Variants in MDH1B observed in about 807,000 individuals in gnomAD.
MDH1B encodes the protein putative malate dehydrogenase 1B.
Under a neutral mutation model 61.4 loss-of-function variants are expected in MDH1B, and 60 were observed. That is an observed-to-expected ratio of 0.98 (90% confidence interval 0.79 to 1.21). The LOEUF (loss-of-function observed/expected upper bound fraction) is 1.21. MDH1B is among the 50% of genes most tolerant of loss of function. The pLI, the probability that MDH1B is intolerant of heterozygous loss-of-function variation, is 0.00. For synonymous variants in MDH1B, 236 were observed against 218.7 expected (o/e 1.08, Z -0.70); for missense variants, 587 against 632.1 (o/e 0.93, Z 0.76).
chr2:206,743,221 T>C (rs1481238777), intron 9 of MDH1B, among the ~76,000 whole-genome samples: 1 of 152,186 alleles, frequency 6.6e-6, no homozygotes, highest in Non-Finnish European at 1.5e-5. Context: ...TTGCACAAAA[T>C]TGCTCTCATT....
At chr2:206,758,709 T>C (rs1209931679) in intron 2 of MDH1B, among the ~76,000 whole-genome samples, 2 of 151,740 alleles carry the variant, frequency 1.3e-5, no homozygotes, top group Non-Finnish European at 2.9e-5. Context: ...GAGGTTGCAG[T>C]GAGCCGAGAT....
chr2:206,754,197 A>G (rs55890679), intron 5 of MDH1B, among the ~76,000 whole-genome samples: 18,223 of 152,144 alleles, frequency 0.12, 1,551 homozygotes, highest in African/African-American at 0.25. Context: ...TAATTGTCCT[A>G]ACTGGGAACA....
At chr2:206,763,736 T>TTTATA (rs1689243909) in intron 1 of MDH1B, among the ~76,000 whole-genome samples, 2 of 152,182 alleles carry the variant, frequency 1.3e-5, no homozygotes, top group Non-Finnish European at 2.9e-5. Flanking sequence ...TATTCTCAAT[T>TTTATA]GTCACCAAAC....
At chr2:206,748,971 A>G (rs777065454) in intron 7 of MDH1B, 49 bp downstream of exon 7, 1 of 1,547,530 alleles carries the variant, frequency 6.5e-7, no homozygotes, top group Non-Finnish European at 8.9e-7. Context: ...AGCACGAGTT[A>G]TAGATAGAGG....
chr2:206,743,201 G>C (rs1443532923), intron 9 of MDH1B, among the ~76,000 whole-genome samples: 1 of 152,090 alleles, frequency 6.6e-6, no homozygotes, highest in Non-Finnish European at 1.5e-5. Context: ...TCTCATTTCT[G>C]CCCTCTCCAT....
chr2:206,753,109 T>G (rs1331094983), intron 5 of MDH1B, among the ~76,000 whole-genome samples: 2 of 150,964 alleles, frequency 1.3e-5, no homozygotes, highest in African/African-American at 4.9e-5. Context: ...TTCTGCCACC[T>G]TTTAGGGCTG....
At chr2:206,758,268 T>G (rs1362976453) in intron 2 of MDH1B, among the ~76,000 whole-genome samples, 2 of 152,208 alleles carry the variant, frequency 1.3e-5, no homozygotes, top group African/African-American at 4.8e-5. Flanking sequence ...CTTACAGTGC[T>G]GAATCAAGAG....
chr2:206,749,466 T>G (rs1342652133), intron 6 of MDH1B, among the ~76,000 whole-genome samples: 1 of 152,198 alleles, frequency 6.6e-6, no homozygotes, highest in African/African-American at 2.4e-5. Flanking sequence ...AGAACCATTA[T>G]TTTCATTACA....
At chr2:206,764,973 G>T (rs2105965375) in intron 1 of MDH1B, among the ~76,000 whole-genome samples, 1 of 152,278 alleles carries the variant, frequency 6.6e-6, no homozygotes, top group South Asian at 2.1e-4. Context: ...GGCCTGTGCA[G>T]GTCTCCTTCA....
At chr2:206,759,046 C>G (rs1688940218) in intron 2 of MDH1B, among the ~76,000 whole-genome samples, 1 of 145,784 alleles carries the variant, frequency 6.9e-6, no homozygotes, top group South Asian at 2.1e-4. Flanking sequence ...AAATTTGTGT[C>G]ATGGGGGTTT....
intron 11 of MDH1B, 130 bp downstream of exon 11, chr2:206,739,462 TG>T: frequency 1.3e-6 from 1 of 794,562 alleles, no homozygotes; most frequent in Non-Finnish European, 2.0e-6. Context: ...CAACCAAGGC[TG>T]GGTCCCTGGG....
intron 2 of MDH1B, among the ~76,000 whole-genome samples, chr2:206,758,855 A>T (rs1688921177): frequency 6.6e-6 from 1 of 151,538 alleles, no homozygotes; most frequent in Admixed American, 6.6e-5. Flanking sequence ...TCTGGAAGGG[A>T]TTGGAGGATA....
intron 3 of MDH1B, 39 bp from the exon 4 acceptor site, chr2:206,757,079 G>A: frequency 1.3e-6 from 2 of 1,590,216 alleles, no homozygotes; most frequent in Non-Finnish European, 1.7e-6. Flanking sequence ...TCAGAGAATA[G>A]ATAACTAGTT....
chr2:206,740,978 T>G, intron 10 of MDH1B, 76 bp downstream of exon 10: 2 of 1,594,802 alleles, frequency 1.3e-6, no homozygotes, highest in Non-Finnish European at 1.7e-6. Flanking sequence ...GACCATAACA[T>G]TATTCTCTAA....
Position 206,749,022 on chromosome 2 carries a change from T to A in MDH1B, c.1214A>T (p.Glu405Val). ...GEIVSLGILS[E>V]GQFGIPKGIV... ...AGATATGAAAAACCCAGATTTACCT[T>A]CACTCAATATTCCTAAAGATACAAT... Residue 405 changes from glutamate (E) to valine (V), a missense_variant and splice_region_variant, in exon 7 of 12, where the codon GAA (glutamate) becomes GTA (valine). By Grantham distance (121) the Glu-to-Val change is moderately radical (BLOSUM62 -2). Transcript: ENST00000374412. The A allele has an allele frequency of 2.5e-6, 4 of 1,612,356 alleles. No homozygotes were observed. Among genetic ancestry groups the A allele is most frequent in the Non-Finnish European group, 3.4e-6 (4 of 1,179,346 alleles).
chr2:206,755,105 C>A lies in MDH1B; in HGVS notation c.814G>T (p.Ala272Ser). 6.2e-7 allele frequency: 1 copy of A among 1,614,242 alleles called. No homozygotes were observed. The highest frequency in any genetic ancestry group is 8.5e-7 in the Non-Finnish European group (1 of 1,180,036). ...NLKTVLLMRYAPRIAHNIIAV... is the reference protein window; with the variant it reads ...NLKTVLLMRYSPRIAHNIIAV... ...ATAATGTTGTGTGCAATGCGTGGGG[C>A]ATATCTCATGAGTAAAACTGTCTTC... The change falls in exon 5 of 12, where the codon GCC (alanine) becomes TCC (serine). Residue 272 changes from alanine to serine, a missense_variant. Physicochemically the swap from Ala to Ser is moderately conservative, Grantham distance 99. Transcript: ENST00000374412.
intron 1 of MDH1B, among the ~76,000 whole-genome samples, chr2:206,763,030 A>G (rs1689194537): frequency 6.6e-6 from 1 of 151,456 alleles, no homozygotes; most frequent in Non-Finnish European, 1.5e-5. Context: ...AGCAATCTAT[A>G]TTTCCAGCTC....
rs768210376 is a variant in MDH1B at position 206,741,149 on chromosome 2, C to G, written c.1409-45G>C. The G allele has an allele frequency of 9.3e-6, 15 of 1,609,570 alleles. No homozygotes were observed. In the South Asian group the frequency reaches 1.5e-4, roughly 17 times the overall value. On this transcript the variant is annotated intron_variant, in intron 9 of 11. Coordinates refer to ENST00000374412, the MANE Select transcript of MDH1B (RefSeq NM_001039845.3). ...AAACATGCTGGATTTAGAATATAAC[C>G]AACAACCTAACTAGGTCATGAGATG...
intron 7 of MDH1B, among the ~76,000 whole-genome samples, chr2:206,748,105 G>A (rs959147728): frequency 2.0e-5 from 3 of 152,214 alleles, no homozygotes; most frequent in Non-Finnish European, 4.4e-5. Context: ...AGTCAGCCGG[G>A]CGTGGTGGCT....
Sources: allele counts gnomAD v4.1 joint callset (sites outside exome capture counted in the v4.1 genomes callset), GRCh38; gene constraint gnomAD v4.1.1; transcripts MANE v1.5; gene names NCBI Gene and HGNC (gene_info 2026-07-23, HGNC 2026-07-21).